MINDY2: variants seen among roughly 807,000 people sequenced by gnomAD.
MINDY2 encodes ubiquitin carboxyl-terminal hydrolase MINDY-2.
Under a neutral mutation model 68.2 loss-of-function variants are expected in MINDY2, and 52 were observed. That is an observed-to-expected ratio of 0.76 (90% CI 0.61 to 0.96). The LOEUF is 0.96. MINDY2 is among the 40% of genes least tolerant of loss of function. The pLI is 0.00. For missense variants in MINDY2, 881 were observed against 773.4 expected (o/e 1.14, Z -1.65); for synonymous variants, 372 against 303.0 (o/e 1.23, Z -2.36).
intron 6 of MINDY2, among the ~76,000 whole-genome samples, chr15:58,844,276 G>A (rs1204762329): frequency 2.6e-5 from 4 of 152,126 alleles, no homozygotes; most frequent in Non-Finnish European, 4.4e-5. Context: ...GGCCGGGCAC[G>A]GTGGCTCACG....
intron 1 of MINDY2, among the ~76,000 whole-genome samples, chr15:58,777,561 CCCAGGAGTTTGAGA>C (rs1900853080): frequency 6.6e-6 from 1 of 151,976 alleles, no homozygotes; most frequent in South Asian, 2.1e-4. Flanking sequence ...ATCAGTTGAG[CCCAGGAGTTTGAGA>C]CCAGCCTGGT....
chr15:58,848,262 T>G (rs1309683948), intron 7 of MINDY2, among the ~76,000 whole-genome samples: 1 of 152,130 alleles, frequency 6.6e-6, no homozygotes, highest in East Asian at 1.9e-4. Flanking sequence ...GCACAAAGAC[T>G]GTTCAGTTAG....
chr15:58,837,291 G>C (rs2032038448), intron 6 of MINDY2, among the ~76,000 whole-genome samples: 3 of 152,132 alleles, frequency 2.0e-5, no homozygotes, highest in Admixed American at 6.6e-5. Flanking sequence ...TAAAAATAGA[G>C]GCTGGGCATG....
chr15:58,837,602 A>G (rs1398571933), intron 6 of MINDY2, among the ~76,000 whole-genome samples: 17 of 151,936 alleles, frequency 1.1e-4, no homozygotes, highest in African/African-American at 3.4e-4. Context: ...TCTACATTAC[A>G]TCTTCCATAT....
rs60365490 is a variant in MINDY2, at chr15:58,852,287, C to CAAAAAAAAAAAAAAAAAAAAAAAAAAAA, written c.1737+340_1737+341insAAAAAAAAAAAAAAAAAAAAAAAAAAAA. Among the ~76,000 whole-genome samples the CAAAAAAAAAAAAAAAAAAAAAAAAAAAA allele has an allele frequency of 1.6e-4, 10 of 61,924 alleles. 2 individuals are homozygous for CAAAAAAAAAAAAAAAAAAAAAAAAAAAA. Among genetic ancestry groups the CAAAAAAAAAAAAAAAAAAAAAAAAAAAA allele is most frequent in the African/African-American group, 6.0e-4 (10 of 16,594 alleles). 40.6% of individuals were successfully genotyped at this position (61,924 alleles called of 152,430 possible). A position where few individuals can be genotyped will look rare whatever the true frequency, so the allele number is the denominator to read the frequency against. On this transcript the variant is annotated intron_variant, in intron 8 of 8. Transcript: ENST00000559228. ...AGGATGATAGAGCAAGACTCCTTCT[C>CAAAAAAAAAAAAAAAAAAAAAAAAAAAA]AAAAAAAAAAAAAAAAAAGATGATC... is the stretch of plus-strand genomic sequence containing the variant.
chr15:58,782,911 G>GTTTTTTTTTTTTTTTTTTTTTTTTTTT (rs1157376592), intron 1 of MINDY2, among the ~76,000 whole-genome samples: 4 of 64,494 alleles, frequency 6.2e-5, no homozygotes, highest in African/African-American at 1.2e-4. Context: ...TTTTCTCTCT[G>GTTTTTTTTTTTTTTTTTTTTTTTTTTT]TTTTTTTTTT....
chr15:58,838,065 A>G (rs187505412), intron 6 of MINDY2, among the ~76,000 whole-genome samples: 91 of 151,724 alleles, frequency 6.0e-4, no homozygotes, highest in African/African-American at 2.0e-3. Context: ...TGGAACATCT[A>G]TCGCATAAAT....
At chr15:58,803,765 G>A (rs549251677) in intron 3 of MINDY2, among the ~76,000 whole-genome samples, 3 of 151,976 alleles carry the variant, frequency 2.0e-5, no homozygotes, top group Non-Finnish European at 2.9e-5. Context: ...GCAGTGAGCC[G>A]AGATTGCGTC....
At chr15:58,851,534 G>C (rs1481384958) in intron 7 of MINDY2, among the ~76,000 whole-genome samples, 2 of 151,842 alleles carry the variant, frequency 1.3e-5, no homozygotes, top group Non-Finnish European at 2.9e-5. Context: ...AAACTCCTGG[G>C]CTGAAGCAAT....
chr15:58,785,825 C>T (rs188423597), intron 1 of MINDY2, among the ~76,000 whole-genome samples: 7 of 152,086 alleles, frequency 4.6e-5, no homozygotes, highest in Non-Finnish European at 4.4e-5. Context: ...TACAGGTGTG[C>T]GCCACCACAC....
At chr15:58,804,963 C>T (rs1283773739) in intron 3 of MINDY2, among the ~76,000 whole-genome samples, 7 of 151,958 alleles carry the variant, frequency 4.6e-5, no homozygotes, top group African/African-American at 1.2e-4. Context: ...GACTCCATCT[C>T]AAAAAATTAG....
Position 58,771,555 on chromosome 15 carries a change from C to G in MINDY2, c.160C>G (p.Leu54Val), listed in dbSNP as rs1047300335. The stretch of plus-strand genomic sequence containing the variant: ...GGCGGAGACCAGCGGCGGGAATGGG[C>G]TGGGGGCGGCGGCCGCCAGGAGGAG... The part of the protein sequence containing the change: ...WAAETSGGNG[L>V]GAAAARRSLP... The change falls in exon 1 of 9, where the codon CTG becomes GTG. Residue 54 changes from leucine (L) to valine (V), a missense_variant. By Grantham distance (32) the Leu-to-Val change is conservative. Transcript: ENST00000559228. 7 of 1,610,688 alleles carry G rather than the reference C, an allele frequency of 4.3e-6. No homozygotes were observed. In the Admixed American group the frequency reaches 8.3e-5, roughly 19 times the overall value.
intron 1 of MINDY2, among the ~76,000 whole-genome samples, chr15:58,782,587 T>C (rs387812): frequency 0.54 from 82,715 of 151,974 alleles, 24,931 homozygotes; most frequent in East Asian, 0.94. Context: ...TCATCGTGCT[T>C]CACTTTTCAC....
intron 6 of MINDY2, among the ~76,000 whole-genome samples, chr15:58,840,182 A>C (rs1182355470): frequency 6.9e-6 from 1 of 144,992 alleles, no homozygotes; most frequent in Non-Finnish European, 1.5e-5. Context: ...TCATGAGGTC[A>C]CAATGGATGT....
At chr15:58,822,927 T>A (rs2141001665) in intron 5 of MINDY2, among the ~76,000 whole-genome samples, 1 of 152,276 alleles carries the variant, frequency 6.6e-6, no homozygotes, top group Non-Finnish European at 1.5e-5. Context: ...AAAAGTTTAT[T>A]ACAATTATCA....
At chr15:58,821,653 A>T in intron 4 of MINDY2, 64 bp from the exon 5 acceptor site, 2 of 946,392 alleles carry the variant, frequency 2.1e-6, no homozygotes, top group South Asian at 1.9e-5. Flanking sequence ...AAAGAGTGAT[A>T]TGGCTTTCTT....
intron 4 of MINDY2, among the ~76,000 whole-genome samples, chr15:58,812,506 A>G (rs2030358713): frequency 6.6e-6 from 1 of 152,170 alleles, no homozygotes; most frequent in Non-Finnish European, 1.5e-5. Flanking sequence ...CCAATGGGAA[A>G]ATTTAGTAAT....
intron 6 of MINDY2, among the ~76,000 whole-genome samples, chr15:58,844,608 T>C (rs1320005486): frequency 2.1e-5 from 3 of 143,750 alleles, no homozygotes; most frequent in Non-Finnish European, 4.5e-5. Context: ...GTGAACCAGT[T>C]ATAGTTTTTT....
At position 58,823,876 on chromosome 15, in the gene MINDY2, A is replaced by G. The variant is rs149293201; in HGVS notation, c.1225+2057A>G. Among the ~76,000 whole-genome samples, 16 of 152,322 alleles carry G rather than the reference A, an allele frequency of 1.1e-4. No individual in the cohort carries two copies. The East Asian group carries it at 2.9e-3, about 28-fold the overall frequency. ...TATGGGGAAAAAAATTCCACTCACTAGAAGTTTGCATTCCTATACAAGCTC... is the reference window on the plus strand; with the variant it reads ...TATGGGGAAAAAAATTCCACTCACTGGAAGTTTGCATTCCTATACAAGCTC... On this transcript the variant is annotated intron_variant, in intron 5 of 8. Transcript: ENST00000559228.
Sources: allele counts gnomAD v4.1 joint callset (sites outside exome capture counted in the v4.1 genomes callset), GRCh38; gene constraint gnomAD v4.1.1; transcripts MANE v1.5; gene names NCBI Gene and HGNC (gene_info 2026-07-23, HGNC 2026-07-21).